MLLT10: variants seen among roughly 807,000 people sequenced by gnomAD.
MLLT10 encodes the protein MLLT10 histone lysine methyltransferase DOT1L cofactor, also known as protein AF-10.
Under a neutral mutation model 129.1 loss-of-function variants are expected in MLLT10, and 30 were observed. That is an observed-to-expected ratio of 0.23 (90% CI 0.17 to 0.32). The LOEUF (loss-of-function observed/expected upper bound fraction) is 0.32. Ranked by LOEUF, MLLT10 falls within the 10% of genes least tolerant of loss-of-function variation. The pLI is 1.00. For missense variants in MLLT10, 1,119 were observed against 1,268.3 expected, an observed-to-expected ratio of 0.88 and a Z score of 1.79; for synonymous variants, 490 against 446.4, an observed-to-expected ratio of 1.10 and a Z score of -1.23.
intron 8 of MLLT10, chr10:21,625,158 T>G: frequency 8.2e-7 from 1 of 1,225,844 alleles, no homozygotes; most frequent in Non-Finnish European, 1.2e-6. Context: ...AGGAGGAGGG[T>G]GTAGTGATAA....
intron 4 of MLLT10, 87 bp downstream of exon 4, chr10:21,586,435 A>G (rs1231998802): frequency 4.7e-6 from 5 of 1,060,986 alleles, no homozygotes; most frequent in Non-Finnish European, 6.9e-6. Context: ...ATTTTATTTT[A>G]TCAAATTAAA....
intron 3 of MLLT10, among the ~76,000 whole-genome samples, chr10:21,571,049 G>C: frequency 6.6e-6 from 1 of 152,252 alleles, no homozygotes; most frequent in East Asian, 1.9e-4. Context: ...GACCAGGGCT[G>C]TGTTTAGGGT....
intron 2 of MLLT10, 130 bp from the exon 3 acceptor site, chr10:21,538,703 G>C (rs2034545816): frequency 4.8e-6 from 3 of 624,332 alleles, no homozygotes; most frequent in Non-Finnish European, 8.4e-6. Context: ...GATGTGAACT[G>C]TTTTACTTCT....
At chr10:21,675,564 A>G (rs766530091) in intron 11 of MLLT10, among the ~76,000 whole-genome samples, 2 of 152,232 alleles carry the variant, frequency 1.3e-5, no homozygotes, top group Non-Finnish European at 2.9e-5. Context: ...ATTTGAATGT[A>G]TGCTTTTATT....
chr10:21,733,376 T>C (rs958070985), intron 18 of MLLT10, 128 bp from the exon 19 acceptor site: 18 of 609,508 alleles, frequency 3.0e-5, no homozygotes, highest in Non-Finnish European at 4.2e-5. Flanking sequence ...GTCTTAGGAA[T>C]AGCAAGACTA....
intron 8 of MLLT10, among the ~76,000 whole-genome samples, chr10:21,636,016 T>C (rs925820747): frequency 2.6e-5 from 4 of 151,558 alleles, no homozygotes; most frequent in African/African-American, 4.8e-5. Flanking sequence ...CTTGCTCCTC[T>C]TGTACCCAAA....
chr10:21,669,026 A>G (rs1207150203), intron 9 of MLLT10: 3 of 1,382,840 alleles, frequency 2.2e-6, no homozygotes, highest in Non-Finnish European at 2.9e-6. Flanking sequence ...TGACCTGCCC[A>G]GCATGGAAAA....
intron 6 of MLLT10, among the ~76,000 whole-genome samples, chr10:21,613,307 T>C (rs905269576): frequency 1.3e-5 from 2 of 152,048 alleles, no homozygotes; most frequent in Non-Finnish European, 2.9e-5. Context: ...AATAAAAAGT[T>C]TGGGAATAAT....
rs765368220 is a variant in MLLT10, at chr10:21,612,313, G to T, written c.406-35G>T. 15 of 1,305,938 alleles carry T rather than the reference G, an allele frequency of 1.1e-5. No individual in the cohort carries two copies. In the East Asian group the frequency reaches 3.5e-4, roughly 31 times the overall value. 80.9% of individuals were successfully genotyped at this position (1,305,938 alleles called of 1,614,324 possible). A position where few individuals can be genotyped will look rare whatever the true frequency, so the allele number is the denominator to read the frequency against. ...AAATTCTGATTCATGTTAAGAACAT[G>T]TATGATTTTTGTCTTTTTTTTTTTT... is the stretch of plus-strand genomic sequence containing the variant. On this transcript the variant is annotated intron_variant, in intron 5 of 22. Coordinates refer to ENST00000307729, the MANE Select transcript of MLLT10 (RefSeq NM_001195626.3).
At position 21,617,240 on chromosome 10, in the gene MLLT10, A is replaced by C. The variant is rs750920576; in HGVS notation, c.699+33A>C. The C allele has an allele frequency of 1.0e-5, 13 of 1,252,348 alleles. No individual in the cohort carries two copies. In the Admixed American group the frequency reaches 2.5e-4, roughly 24 times the overall value. 77.6% of individuals were successfully genotyped at this position (1,252,348 alleles called of 1,614,324 possible). A position where few individuals can be genotyped will look rare whatever the true frequency, so the allele number is the denominator to read the frequency against. ...GATTTGTTGTTGCTAAATTTGTAGC[A>C]CATCTACTTAATAGAATTTTTTTTT... On this transcript the variant is annotated intron_variant, in intron 8 of 22. Transcript: ENST00000307729.
At chr10:21,556,578 GGCAGGTGAGA>G in intron 3 of MLLT10, 1 of 1,294,128 alleles carries the variant, frequency 7.7e-7, no homozygotes, top group Non-Finnish European at 1.1e-6. Context: ...AGTTTTCTAG[GGCAGGTGAGA>G]GCCAGTTACG....
chr10:21,702,141 G>T (rs2054992152), intron 13 of MLLT10, among the ~76,000 whole-genome samples: 1 of 148,776 alleles, frequency 6.7e-6, no homozygotes, highest in Non-Finnish European at 1.5e-5. Context: ...TGGCCAGGAT[G>T]ATCTCAATCT....
chr10:21,605,886 G>A (rs1294386440), intron 5 of MLLT10, among the ~76,000 whole-genome samples: 1 of 151,454 alleles, frequency 6.6e-6, no homozygotes, highest in Admixed American at 6.6e-5. Context: ...TCATTTTATT[G>A]GGCTTCTTTT....
chr10:21,649,513 G>GATTT (rs1377945489), intron 8 of MLLT10, among the ~76,000 whole-genome samples: 1 of 152,220 alleles, frequency 6.6e-6, no homozygotes, highest in Non-Finnish European at 1.5e-5. Context: ...CAGCAGGGAT[G>GATTT]ATTTATCTTT....
chr10:21,660,459 TAC>T lies in MLLT10; in HGVS notation c.795+8693_795+8694del, dbSNP rs1453930365. Among the ~76,000 whole-genome samples the T allele has an allele frequency of 1.2e-4, 18 of 150,362 alleles. No individual in the cohort carries two copies. The East Asian group carries it at 3.2e-3, about 27-fold the overall frequency. On this transcript the variant is annotated intron_variant, in intron 9 of 22. Transcript: ENST00000307729. ...GGAGAAACTCTTTCTGTACTAAAAA[TAC>T]AAAAATTAGCCGGGCATCGTGGTGC...
rs115522054 is a variant in MLLT10 at position 21,661,167 on chromosome 10, A to G, written c.796-9282A>G. Among the ~76,000 whole-genome samples the G allele has an allele frequency of 3.8e-3, 585 of 152,300 alleles. 5 individuals are homozygous for G. Among genetic ancestry groups the G allele is most frequent in the African/African-American group, 0.013 (551 of 41,566 alleles). On this transcript the variant is annotated intron_variant, in intron 9 of 22. Coordinates refer to ENST00000307729, the MANE Select transcript of MLLT10 (RefSeq NM_001195626.3). ...GGTCTGAGAGAGCAAGGCACACTGT[A>G]TGATTTCTATTCTTTAAAATTTGTT...
intron 13 of MLLT10, among the ~76,000 whole-genome samples, chr10:21,707,843 T>A (rs946942315): frequency 1.3e-5 from 2 of 152,184 alleles, no homozygotes; most frequent in Non-Finnish European, 2.9e-5. Flanking sequence ...TATTACCTGT[T>A]TTTTCTTCTT....
At chr10:21,697,514 C>T (rs2131459016) in intron 13 of MLLT10, among the ~76,000 whole-genome samples, 1 of 152,214 alleles carries the variant, frequency 6.6e-6, no homozygotes, top group East Asian at 1.9e-4. Context: ...CCTACTTTCG[C>T]ATGTATTTCA....
intron 3 of MLLT10, among the ~76,000 whole-genome samples, chr10:21,549,738 C>T (rs555463434): frequency 2.0e-5 from 3 of 147,790 alleles, no homozygotes; most frequent in African/African-American, 7.5e-5. Context: ...TCCTCTACTT[C>T]CCGGGTTCTC....
Sources: gnomAD v4.1 joint callset for allele counts (sites outside exome capture counted in the v4.1 genomes callset) on GRCh38, gnomAD v4.1.1 for gene constraint, MANE v1.5 for transcripts, NCBI Gene and HGNC (gene_info 2026-07-23, HGNC 2026-07-21) for gene names.